The following PLSCR4 variants were observed in gnomAD, a reference collection of about 807,000 sequenced individuals.
PLSCR4 encodes the protein phospholipid scramblase 4, also known as Ca(2+)-dependent phospholipid scramblase 4.
Under a neutral mutation model 36.3 loss-of-function variants are expected in PLSCR4, and 25 were observed. The observed-to-expected ratio is 0.69, with a 90% CI of 0.50 to 0.96. The LOEUF is 0.96. Among genes scored for constraint, PLSCR4 ranks in the 40% least tolerant of loss-of-function variants. The probability of loss-of-function intolerance (pLI) is 0.00; values close to 1 mark genes in which losing one functional copy is unlikely to be tolerated. For missense variants in PLSCR4, 408 were observed against 414.7 expected (o/e 0.98, Z 0.14); for synonymous variants, 122 against 132.9 (o/e 0.92, Z 0.56).
chr3:146,221,292 A>C, intron 2 of PLSCR4, among the ~76,000 whole-genome samples: 1 of 152,228 alleles, frequency 6.6e-6, no homozygotes, highest in East Asian at 1.9e-4. Flanking sequence ...AAGCATTTAT[A>C]GAGTGAAGTT....
intron 1 of PLSCR4, among the ~76,000 whole-genome samples, chr3:146,246,023 G>C (rs1209470701): frequency 6.6e-6 from 1 of 152,042 alleles, no homozygotes; most frequent in East Asian, 1.9e-4. Context: ...ATGACTGAAG[G>C]ATTCAGTCAT....
chr3:146,237,039 A>G (rs1387853129), intron 1 of PLSCR4, among the ~76,000 whole-genome samples: 3 of 151,898 alleles, frequency 2.0e-5, no homozygotes, highest in African/African-American at 7.3e-5. Flanking sequence ...GAATGGATTA[A>G]AAAAAGAAAA....
chr3:146,226,951 A>AT (rs1468916550), intron 1 of PLSCR4, among the ~76,000 whole-genome samples: 1 of 148,410 alleles, frequency 6.7e-6, no homozygotes, highest in African/African-American at 2.5e-5. Flanking sequence ...AGCTGCTAGT[A>AT]TTTTTTTCTC....
chr3:146,204,996 A>G (rs1018381682), intron 4 of PLSCR4, among the ~76,000 whole-genome samples: 2 of 152,152 alleles, frequency 1.3e-5, no homozygotes, highest in Admixed American at 6.6e-5. Flanking sequence ...CTATACACCA[A>G]TGTTATAATA....
At position 146,206,560 on chromosome 3, in the gene PLSCR4, G is replaced by A. The variant is rs754225026; in HGVS notation, c.320C>T (p.Ala107Val). ...GTATTCCAGACCAGGAGGGCAGTTT[G>A]CCATAGGAGTTGGCCCTGGCATCCA... is the stretch of plus-strand genomic sequence containing the variant. ...ITWMPGPTPM[A>V]NCPPGLEYLV... The change falls in exon 4 of 9, where the codon GCA becomes GTA. Residue 107 changes from alanine (A) to valine (V), a missense_variant. Ala to Val is a moderately conservative substitution (Grantham distance 64). Transcript: ENST00000354952. The A allele has an allele frequency of 6.2e-7, 1 of 1,613,298 alleles. No individual in the cohort carries two copies. Among genetic ancestry groups the A allele is most frequent in the Admixed American group, 1.7e-5 (1 of 59,932 alleles).
At chr3:146,210,900 T>C (rs1373780959) in intron 3 of PLSCR4, among the ~76,000 whole-genome samples, 1 of 152,030 alleles carries the variant, frequency 6.6e-6, no homozygotes, top group African/African-American at 2.4e-5. Flanking sequence ...TTGTAGCACA[T>C]ATAAGTACTT....
intron 3 of PLSCR4, among the ~76,000 whole-genome samples, chr3:146,208,912 G>T (rs143153299): frequency 1.8e-4 from 27 of 151,984 alleles, no homozygotes; most frequent in Admixed American, 1.7e-3. Flanking sequence ...CACTACTGGG[G>T]TATTTATCCA....
At chr3:146,217,579 G>T (rs917221476) in intron 3 of PLSCR4, among the ~76,000 whole-genome samples, 8 of 152,224 alleles carry the variant, frequency 5.3e-5, no homozygotes, top group Non-Finnish European at 1.2e-4. Flanking sequence ...GGCAAGGAAG[G>T]CTGATTTTGG....
chr3:146,212,643 G>A (rs2108264450), intron 3 of PLSCR4, among the ~76,000 whole-genome samples: 1 of 151,832 alleles, frequency 6.6e-6, no homozygotes, highest in African/African-American at 2.4e-5. Flanking sequence ...ACATATATAG[G>A]CTCATGTCTT....
chr3:146,208,912 G>A (rs143153299), intron 3 of PLSCR4, among the ~76,000 whole-genome samples: 1,532 of 152,098 alleles, frequency 0.01, 18 homozygotes, highest in African/African-American at 0.035. Flanking sequence ...CACTACTGGG[G>A]TATTTATCCA....
intron 4 of PLSCR4, among the ~76,000 whole-genome samples, chr3:146,205,431 T>A (rs377573688): frequency 2.6e-5 from 4 of 152,046 alleles, no homozygotes; most frequent in Non-Finnish European, 5.9e-5. Context: ...CACCTTTACA[T>A]GGAAAGGAAG....
At chr3:146,224,575 G>A (rs1232501410) in intron 1 of PLSCR4, among the ~76,000 whole-genome samples, 2 of 152,078 alleles carry the variant, frequency 1.3e-5, no homozygotes, top group African/African-American at 2.4e-5. Context: ...GACCTTCGCG[G>A]TGAGTGTTAC....
intron 1 of PLSCR4, among the ~76,000 whole-genome samples, chr3:146,239,790 G>A (rs2036071152): frequency 6.6e-6 from 1 of 152,154 alleles, no homozygotes; most frequent in Non-Finnish European, 1.5e-5. Flanking sequence ...GGCTGAGGCA[G>A]GAGAATCACT....
At chr3:146,245,952 G>A (rs1039496713) in intron 1 of PLSCR4, among the ~76,000 whole-genome samples, 2 of 151,984 alleles carry the variant, frequency 1.3e-5, no homozygotes, top group Non-Finnish European at 2.9e-5. Context: ...ACTTTTATGG[G>A]TTTCTTGGCT....
At chr3:146,222,721 T>C (rs1402046674) in intron 1 of PLSCR4, among the ~76,000 whole-genome samples, 1 of 152,038 alleles carries the variant, frequency 6.6e-6, no homozygotes. Context: ...GGTTTGGCAT[T>C]TTTGGTATTT....
chr3:146,214,935 T>C (rs1396352325), intron 3 of PLSCR4, among the ~76,000 whole-genome samples: 1 of 152,134 alleles, frequency 6.6e-6, no homozygotes, highest in African/African-American at 2.4e-5. Context: ...CAGTTTTACT[T>C]CATATATTTT....
chr3:146,213,941 A>G (rs1019460026), intron 3 of PLSCR4, among the ~76,000 whole-genome samples: 8 of 151,762 alleles, frequency 5.3e-5, no homozygotes. Context: ...GGTTAGTTTG[A>G]CTTAAGGTTT....
chr3:146,235,824 G>C (rs1226769468), intron 1 of PLSCR4, among the ~76,000 whole-genome samples: 1 of 152,136 alleles, frequency 6.6e-6, no homozygotes, highest in African/African-American at 2.4e-5. Flanking sequence ...TTGGCAACTA[G>C]AGCAAAGGTA....
chr3:146,223,481 A>G (rs1316552708), intron 1 of PLSCR4, among the ~76,000 whole-genome samples: 1 of 152,104 alleles, frequency 6.6e-6, no homozygotes, highest in Non-Finnish European at 1.5e-5. Flanking sequence ...TCCTAAGCCT[A>G]TGTACTTTTC....
Sources: gnomAD v4.1 joint callset for allele counts (sites outside exome capture counted in the v4.1 genomes callset) on GRCh38, gnomAD v4.1.1 for gene constraint, MANE v1.5 for transcripts, NCBI Gene and HGNC (gene_info 2026-07-23, HGNC 2026-07-21) for gene names.